Variants in CFAP410 observed in about 807,000 individuals in gnomAD.
The protein encoded by CFAP410 is cilia and flagella associated protein 410.
Under a neutral mutation model 25.7 loss-of-function variants are expected in CFAP410, and 27 were observed. The observed-to-expected ratio is 1.05, with a 90% CI of 0.77 to 1.45. The LOEUF is 1.45. Among genes scored for constraint, CFAP410 ranks in the 40% most tolerant of loss-of-function variants. CFAP410 has a pLI of 0.00. For synonymous variants in CFAP410, 178 were observed against 158.4 expected, an observed-to-expected ratio of 1.12 and a Z score of -0.93; for missense variants, 428 against 354.1, an observed-to-expected ratio of 1.21 and a Z score of -1.67.
chr21:44,337,761 A>G, intron 1 of CFAP410, 94 bp from the exon 2 acceptor site: 1 of 1,003,846 alleles, frequency 1.0e-6, no homozygotes, highest in African/African-American at 1.6e-5. Flanking sequence ...GACTCCCTAC[A>G]AACCTTAAGA....
intron 1 of CFAP410, chr21:44,338,103 G>C (rs904201393): frequency 1.7e-5 from 6 of 358,510 alleles, no homozygotes; most frequent in Non-Finnish European, 3.0e-5. Flanking sequence ...CCAGCTTAGT[G>C]GGAGTACTGA....
chr21:44,329,899 G>GA lies in CFAP410; in HGVS notation c.*298dup. On this transcript the variant is annotated 3_prime_UTR_variant, in exon 7 of 7. Coordinates refer to ENST00000339818, the MANE Select transcript of CFAP410 (RefSeq NM_004928.3). ...AACGTCACCTCCAGATCAACCTTGG[G>GA]AAAATCTTTTATTAGGGAGGACAGC... is the stretch of plus-strand genomic sequence containing the variant. The GA allele has an allele frequency of 2.8e-6, 1 of 359,724 alleles. No homozygotes were observed. Among genetic ancestry groups the GA allele is most frequent in the Non-Finnish European group, 5.1e-6 (1 of 197,938 alleles). The allele number at this position is 359,724 out of a possible 1,614,324, so 22.3% of individuals were successfully genotyped here.
intron 4 of CFAP410, 50 bp from the exon 5 acceptor site, chr21:44,332,064 G>C: frequency 6.7e-7 from 1 of 1,487,808 alleles, no homozygotes. Flanking sequence ...CCCACGTGCA[G>C]GCCACATGCA....
At chr21:44,331,119 C>G in intron 5 of CFAP410, 200 bp from the exon 6 acceptor site, 1 of 600,196 alleles carries the variant, frequency 1.7e-6, no homozygotes, top group Non-Finnish European at 2.9e-6. Context: ...CCGGCACTTA[C>G]TTCACCTGTG....
rs1284741787 is a variant in CFAP410 at position 44,333,186 on chromosome 21, T to C, written c.220A>G (p.Ile74Val). The C allele has an allele frequency of 6.2e-7, 1 of 1,612,956 alleles. No homozygotes were observed. The highest frequency in any genetic ancestry group is 2.2e-5 in the East Asian group (1 of 44,892). Residue 74 changes from isoleucine to valine, a missense_variant, in exon 4 of 7, where the codon ATC becomes GTC. Transcript: ENST00000339818. The part of the protein sequence containing the change: ...LSELYLRRNR[I>V]PSLAELFYLK... Reference sequence around the variant, plus strand: ...TAGAAGAGCTCAGCCAGGCTGGGGATGCGGTTCCTCCGCAGGTACAGCTCA... The same window carrying C: ...TAGAAGAGCTCAGCCAGGCTGGGGACGCGGTTCCTCCGCAGGTACAGCTCA...
rs568410064 is a variant in CFAP410 at position 44,331,761 on chromosome 21, C to T, written c.545+82G>A. On this transcript the variant is annotated intron_variant, in intron 5 of 6. Transcript: ENST00000339818. ...CCTCACTTCCCAGAGACGCAGCTCA[C>T]GGGAAGCCCCATTCACTCCCCGTGG... is the stretch of plus-strand genomic sequence containing the variant. The T allele has an allele frequency of 3.8e-5, 51 of 1,341,616 alleles. No homozygotes were observed. The Admixed American group carries it at 7.1e-4, about 19-fold the overall frequency. 83.1% of individuals were successfully genotyped at this position (1,341,616 alleles called of 1,614,324 possible).
intron 6 of CFAP410, 95 bp from the exon 7 acceptor site, chr21:44,330,421 G>A (rs2047623056): frequency 6.4e-7 from 1 of 1,558,206 alleles, no homozygotes; most frequent in Non-Finnish European, 8.7e-7. Flanking sequence ...CCCCACCACG[G>A]AGCGACTGGT....
intron 2 of CFAP410, among the ~76,000 whole-genome samples, chr21:44,337,243 G>A (rs2047773689): frequency 6.6e-6 from 1 of 152,148 alleles, no homozygotes; most frequent in African/African-American, 2.4e-5. Flanking sequence ...CCTGCCTTTG[G>A]GGCAGCGGCA....
intron 6 of CFAP410, 141 bp from the exon 7 acceptor site, chr21:44,330,467 A>G: frequency 6.5e-6 from 10 of 1,530,636 alleles, no homozygotes; most frequent in Non-Finnish European, 8.8e-6. Flanking sequence ...ACTGACCGGC[A>G]CACTCGGAGA....
intron 3 of CFAP410, chr21:44,333,985 C>A: frequency 2.5e-6 from 1 of 404,354 alleles, no homozygotes; most frequent in Non-Finnish European, 5.1e-6. Context: ...CCTGAGCCCC[C>A]CTCCCCATGC....
intron 2 of CFAP410, 100 bp from the exon 3 acceptor site, chr21:44,335,904 C>G (rs2047744022): frequency 1.1e-6 from 1 of 889,112 alleles, no homozygotes; most frequent in African/African-American, 1.6e-5. Flanking sequence ...GGCCAACCCA[C>G]TTCCGGGGCC....
In CFAP410 at chr21:44,331,924, G is replaced by T. The variant is rs906590447; in HGVS notation, c.464C>A (p.Pro155His). 1.2e-6 allele frequency: 2 copies of T among 1,613,420 alleles called. No homozygotes were observed. Among genetic ancestry groups the T allele is most frequent in the Non-Finnish European group, 8.5e-7 (1 of 1,179,850 alleles). The change falls in exon 5 of 7, where the codon CCC (proline) becomes CAC (histidine). Residue 155 changes from proline (P) to histidine (H), a missense_variant. Coordinates refer to ENST00000339818, the MANE Select transcript of CFAP410 (RefSeq NM_004928.3). ...PEREGTGHGGPKLCCTLSSLS... is the reference protein window; with the variant it reads ...PEREGTGHGGHKLCCTLSSLS... ...GGAGCTCAGTGTGCAGCATAGCTTG[G>T]GGCCGCCGTGGCCTGTGCCCTCTCT...
chr21:44,336,809 C>T (rs1363801974), intron 2 of CFAP410: 5 of 152,086 alleles, frequency 3.3e-5, no homozygotes, highest in Admixed American at 2.0e-4. Flanking sequence ...TTGCGCTGGA[C>T]ATGGTGGCTC....
At chr21:44,334,181 GTCAGGCGTGCAGGCACC>G in intron 3 of CFAP410, 1 of 456,346 alleles carries the variant, frequency 2.2e-6, no homozygotes, top group Non-Finnish European at 4.4e-6. Flanking sequence ...CTCCAGTGCA[GTCAGGCGTGCAGGCACC>G]ACGCACCTGA....
rs371627365 is a variant in CFAP410, at chr21:44,330,846, C to T, written c.619G>A (p.Ala207Thr). 1 of 1,605,278 alleles carries T rather than the reference C, an allele frequency of 6.2e-7. No individual in the cohort carries two copies. Among genetic ancestry groups the T allele is most frequent in the South Asian group, 1.1e-5 (1 of 89,928 alleles). Residue 207 changes from alanine to threonine, a missense_variant, in exon 6 of 7, where the codon GCC (alanine) becomes ACC (threonine). Physicochemically the swap from Ala to Thr is moderately conservative, Grantham distance 58. Transcript: ENST00000339818. ...ACCCTGCCCCTGTGGCTGCTCGAGG[C>T]ATCCCTGGCTGAGAGGGAAGGAAAC... ...GQFPSLSARDASSSHRGRNVL... is the reference protein window; with the variant it reads ...GQFPSLSARDTSSSHRGRNVL...
At chr21:44,331,789 G>A (rs761517826) in intron 5 of CFAP410, 54 bp downstream of exon 5, 91 of 1,552,468 alleles carry the variant, frequency 5.9e-5, no homozygotes, top group Non-Finnish European at 7.0e-5. Context: ...CCCCGTGGGA[G>A]GACCCTGGGG....
rs777360918 is a variant in CFAP410, at chr21:44,330,841, C to T, written c.624G>A (p.Ser208=). 1.1e-5 allele frequency: 18 copies of T among 1,604,128 alleles called. No homozygotes were observed. Among genetic ancestry groups the T allele is most frequent in the Admixed American group, 3.4e-5 (2 of 58,978 alleles). The part of the protein sequence containing the change: ...QFPSLSARDA[S]SSHRGRNVLT... ...CACTCACCCTGCCCCTGTGGCTGCT[C>T]GAGGCATCCCTGGCTGAGAGGGAAG... Residue 208 remains serine, a synonymous_variant, in exon 6 of 7, where the codon TCG becomes TCA. Transcript: ENST00000339818.
intron 4 of CFAP410, chr21:44,332,274 C>A: frequency 2.3e-6 from 1 of 435,176 alleles, no homozygotes; most frequent in South Asian, 5.4e-5. Flanking sequence ...GAAGCAAATA[C>A]TCCTCAAAAC....
rs192858930 is a variant in CFAP410 at position 44,337,860 on chromosome 21, A to C, written c.78-193T>G. Among the ~76,000 whole-genome samples the C allele has an allele frequency of 3.9e-4, 59 of 152,330 alleles. 1 individual carries two copies. The highest frequency in any genetic ancestry group is 1.3e-3 in the African/African-American group (52 of 41,572). ...CAATTGTTTTAGCTGATTTTCAACTAAACTGTATGTTTGACGTTGGGGTGG... is the reference window on the plus strand; with the variant it reads ...CAATTGTTTTAGCTGATTTTCAACTCAACTGTATGTTTGACGTTGGGGTGG... On this transcript the variant is annotated intron_variant, in intron 1 of 6. Transcript: ENST00000339818.
Sources: allele counts gnomAD v4.1 joint callset (sites outside exome capture counted in the v4.1 genomes callset), GRCh38; gene constraint gnomAD v4.1.1; transcripts MANE v1.5; gene names NCBI Gene and HGNC (gene_info 2026-07-23, HGNC 2026-07-21).